The following ERBIN variants were observed in gnomAD, a reference collection of about 807,000 sequenced individuals.
ERBIN encodes densin-180-like protein.
A neutral mutation model predicts 158.4 loss-of-function variants in ERBIN; 60 were observed. That is an observed-to-expected ratio of 0.38 (90% CI 0.31 to 0.47). ERBIN has a LOEUF of 0.47. Ranked by LOEUF, ERBIN falls within the 20% of genes least tolerant of loss-of-function variation. The pLI is 0.99. For missense variants in ERBIN, 1,610 were observed against 1,648.0 expected (o/e 0.98, Z 0.40); for synonymous variants, 594 against 557.2 (o/e 1.07, Z -0.93).
At chr5:65,949,671 A>G (rs1746261749) in intron 1 of ERBIN, among the ~76,000 whole-genome samples, 2 of 152,204 alleles carry the variant, frequency 1.3e-5, no homozygotes, top group Admixed American at 1.3e-4. Flanking sequence ...AACATCTTAT[A>G]TAGACATGGT....
chr5:66,053,713 A>C lies in ERBIN; in HGVS notation c.2395A>C (p.Asn799His), dbSNP rs201502465. The change falls in exon 21 of 26, where the codon AAT becomes CAT. Residue 799 changes from asparagine (N) to histidine (H), a missense_variant. Transcript: ENST00000284037. Reference protein sequence around the residue: ...IVLGTSFLSINSKEETEHLEN... With the variant: ...IVLGTSFLSIHSKEETEHLEN... ...GCTTGGAACAAGCTTTTTAAGCATT[A>C]ATTCTAAAGAGGAAACTGAGCACTT... 4 of 1,613,924 alleles carry C rather than the reference A, an allele frequency of 2.5e-6. No homozygotes were observed. In the East Asian group the frequency reaches 8.9e-5, roughly 36 times the overall value.
Position 66,043,145 on chromosome 5 carries a change from C to G in ERBIN, c.1375C>G (p.Gln459Glu). Residue 459 changes from glutamine to glutamate, a missense_variant, in exon 16 of 26, where the codon CAA becomes GAA. Gln to Glu is a conservative substitution (Grantham distance 29). Transcript: ENST00000284037. ...GGAGGAACAGAGGAAACAGCGGGCT[C>G]AAGTTGCATTTGAATGTGATGAAGA... ...LWEEQRKQRAQVAFECDEDKD... is the reference protein window; with the variant it reads ...LWEEQRKQRAEVAFECDEDKD... 1 of 1,613,186 alleles carries G rather than the reference C, an allele frequency of 6.2e-7. No individual in the cohort carries two copies. The highest frequency in any genetic ancestry group is 8.5e-7 in the Non-Finnish European group (1 of 1,179,342).
At chr5:66,060,207 A>T (rs1403949764) in intron 21 of ERBIN, among the ~76,000 whole-genome samples, 3 of 152,134 alleles carry the variant, frequency 2.0e-5, no homozygotes, top group Non-Finnish European at 4.4e-5. Flanking sequence ...TTATTGCCTC[A>T]ATTTCAGAGC....
chr5:65,998,773 T>C (rs1195647392), intron 4 of ERBIN, among the ~76,000 whole-genome samples: 1 of 151,902 alleles, frequency 6.6e-6, no homozygotes, highest in Admixed American at 6.6e-5. Context: ...GGCATGTGCC[T>C]GTGGTTCCGA....
At chr5:66,029,833 CT>C (rs1756668978) in intron 14 of ERBIN, among the ~76,000 whole-genome samples, 1 of 152,100 alleles carries the variant, frequency 6.6e-6, no homozygotes, top group African/African-American at 2.4e-5. Context: ...TCATGATCCG[CT>C]TGTGTTGGCC....
rs756234955 is a variant in ERBIN at position 66,044,199 on chromosome 5, T to G, written c.1491T>G (p.Thr497=). Residue 497 remains threonine, a synonymous_variant, in exon 17 of 26, where the codon ACT becomes ACG. Transcript: ENST00000284037. The part of the protein sequence containing the change: ...YPDELKNMVK[T]VQTIVHRLKD... ...ATGAGCTTAAGAATATGGTCAAAAC[T>G]GTTCAAACCATTGTACATAGATTAA... The G allele has an allele frequency of 6.2e-7, 1 of 1,609,302 alleles. No homozygotes were observed. The highest frequency in any genetic ancestry group is 8.5e-7 in the Non-Finnish European group (1 of 1,178,258).
intron 4 of ERBIN, among the ~76,000 whole-genome samples, chr5:66,002,793 G>T (rs538298694): frequency 2.4e-4 from 37 of 152,280 alleles, no homozygotes; most frequent in Non-Finnish European, 4.4e-4. Context: ...AGATTGATGG[G>T]GAAGTTATGG....
At chr5:66,075,899 A>G (rs1761937330) in intron 23 of ERBIN, among the ~76,000 whole-genome samples, 1 of 152,176 alleles carries the variant, frequency 6.6e-6, no homozygotes, top group African/African-American at 2.4e-5. Flanking sequence ...CCACCAGTGG[A>G]TCTTTTAGAT....
At chr5:66,017,983 G>A (rs1461402354) in intron 7 of ERBIN, among the ~76,000 whole-genome samples, 2 of 152,014 alleles carry the variant, frequency 1.3e-5, no homozygotes, top group African/African-American at 4.8e-5. Context: ...TTTCTAGGAT[G>A]ACTTGGCTGT....
intron 22 of ERBIN, 73 bp from the exon 23 acceptor site, chr5:66,074,951 C>G (rs1031336209): frequency 1.4e-6 from 2 of 1,396,010 alleles, no homozygotes; most frequent in Non-Finnish European, 2.0e-6. Context: ...TTGTAATGCT[C>G]CAAGAAGAAA....
intron 1 of ERBIN, among the ~76,000 whole-genome samples, chr5:65,978,209 C>T (rs1750248703): frequency 6.6e-6 from 1 of 152,042 alleles, no homozygotes. Flanking sequence ...GCAGTTTCAC[C>T]TTTTCCAAGT....
At chr5:65,998,016 T>C (rs1752617205) in intron 4 of ERBIN, among the ~76,000 whole-genome samples, 1 of 151,830 alleles carries the variant, frequency 6.6e-6, no homozygotes, top group Admixed American at 6.6e-5. Flanking sequence ...TCACTTGAGG[T>C]CAGGAGTTCA....
At chr5:65,986,521 C>T (rs139401703) in intron 1 of ERBIN, among the ~76,000 whole-genome samples, 100 of 152,326 alleles carry the variant, frequency 6.6e-4, no homozygotes, top group African/African-American at 2.0e-3. Context: ...TACCATTTGG[C>T]ATAGCGACAA....
chr5:66,058,238 G>C (rs1759840080), intron 21 of ERBIN, among the ~76,000 whole-genome samples: 1 of 151,654 alleles, frequency 6.6e-6, no homozygotes, highest in Non-Finnish European at 1.5e-5. Flanking sequence ...TAACTGGTGT[G>C]AGATGGTATC....
At chr5:66,011,785 A>G (rs1454351014) in intron 4 of ERBIN, among the ~76,000 whole-genome samples, 1 of 152,234 alleles carries the variant, frequency 6.6e-6, no homozygotes, top group African/African-American at 2.4e-5. Context: ...TTAACATCAC[A>G]TGTAGAAGGC....
intron 15 of ERBIN, among the ~76,000 whole-genome samples, chr5:66,040,300 T>A (rs1757801482): frequency 6.6e-6 from 1 of 151,948 alleles, no homozygotes; most frequent in Non-Finnish European, 1.5e-5. Flanking sequence ...CTCATGCTGG[T>A]TTCTACTTTA....
Position 66,078,680 on chromosome 5 carries a change from G to T in ERBIN, c.*150G>T. 1.6e-6 allele frequency: 1 copy of T among 622,154 alleles called. No homozygotes were observed. Among genetic ancestry groups the T allele is most frequent in the South Asian group, 2.1e-5 (1 of 47,948 alleles). 38.5% of individuals were successfully genotyped at this position (622,154 alleles called of 1,614,324 possible). A position where few individuals can be genotyped will look rare whatever the true frequency, so the allele number is the denominator to read the frequency against. The stretch of plus-strand genomic sequence containing the variant: ...CATTAATGAAATAATGGAACTTGTG[G>T]TTAGAGGGAAAGAACCACTGTACAG... On this transcript the variant is annotated 3_prime_UTR_variant, in exon 26 of 26. Transcript: ENST00000284037.
At chr5:66,005,843 G>A (rs995281298) in intron 4 of ERBIN, among the ~76,000 whole-genome samples, 6 of 152,150 alleles carry the variant, frequency 3.9e-5, no homozygotes, top group Non-Finnish European at 5.9e-5. Flanking sequence ...TACAAGGGAC[G>A]TGAAGGACCT....
intron 7 of ERBIN, among the ~76,000 whole-genome samples, chr5:66,018,670 T>C (rs1755328894): frequency 7.3e-6 from 1 of 136,582 alleles, no homozygotes; most frequent in East Asian, 2.0e-4. Context: ...GAAGTCTTGC[T>C]CTGTCACCCA....
Sources: gnomAD v4.1 joint callset for allele counts (sites outside exome capture counted in the v4.1 genomes callset) on GRCh38, gnomAD v4.1.1 for gene constraint, MANE v1.5 for transcripts, NCBI Gene and HGNC (gene_info 2026-07-23, HGNC 2026-07-21) for gene names.